MYO1E: variants seen among roughly 807,000 people sequenced by gnomAD.
MYO1E encodes the protein unconventional myosin-Ie.
In MYO1E, 68 loss-of-function variants were observed where a neutral mutation model predicts 151.1. That is an observed-to-expected ratio of 0.45 (90% CI 0.37 to 0.55). The LOEUF (loss-of-function observed/expected upper bound fraction) is 0.55. Among genes scored for constraint, MYO1E ranks in the 20% least tolerant of loss-of-function variants. The pLI, the probability that MYO1E is intolerant of heterozygous loss-of-function variation, is 0.00. For synonymous variants in MYO1E, 601 were observed against 501.7 expected (o/e 1.20, Z -2.64); for missense variants, 1,363 against 1,389.3 (o/e 0.98, Z 0.30).
At chr15:59,356,997 C>T (rs1014620044) in intron 1 of MYO1E, among the ~76,000 whole-genome samples, 2 of 152,060 alleles carry the variant, frequency 1.3e-5, no homozygotes, top group Non-Finnish European at 2.9e-5. Flanking sequence ...CCTCCACCTC[C>T]CGGGTTCAAG....
intron 6 of MYO1E, among the ~76,000 whole-genome samples, chr15:59,227,848 T>A (rs1172791029): frequency 6.6e-6 from 1 of 152,180 alleles, no homozygotes; most frequent in Non-Finnish European, 1.5e-5. Context: ...TCCTTGCTCA[T>A]TTTCCCCCAG....
intron 1 of MYO1E, among the ~76,000 whole-genome samples, chr15:59,289,225 A>G (rs1268383058): frequency 1.3e-5 from 2 of 152,170 alleles, no homozygotes; most frequent in Non-Finnish European, 2.9e-5. Context: ...ATCTGTACCA[A>G]AAGTTTTTTG....
chr15:59,176,083 G>A (rs1401367540), intron 19 of MYO1E, among the ~76,000 whole-genome samples: 1 of 152,184 alleles, frequency 6.6e-6, no homozygotes, highest in Non-Finnish European at 1.5e-5. Context: ...TTCCGAGGCA[G>A]AGTCTTGCTC....
intron 6 of MYO1E, among the ~76,000 whole-genome samples, chr15:59,230,260 G>A (rs1385121157): frequency 3.4e-5 from 5 of 148,802 alleles, no homozygotes; most frequent in Non-Finnish European, 7.5e-5. Context: ...GTGTGCAGGT[G>A]AATGTGTGTC....
intron 14 of MYO1E, chr15:59,206,993 G>A (rs2140337262): frequency 1.2e-6 from 2 of 1,614,010 alleles, no homozygotes; most frequent in South Asian, 1.1e-5. Flanking sequence ...AGCTCGGTGG[G>A]AGCGAATTTC....
rs997602127 is a variant in MYO1E, at chr15:59,233,948, A to G, written c.421-2157T>C. ...TAATTATATAATAAAATCTTTTTTT[A>G]CATATTGGGTTAAATAATACTGTTT... is the stretch of plus-strand genomic sequence containing the variant. On this transcript the variant is annotated intron_variant, in intron 5 of 27. Coordinates refer to ENST00000288235, the MANE Select transcript of MYO1E (RefSeq NM_004998.4). Among the ~76,000 whole-genome samples the G allele has an allele frequency of 2.0e-5, 3 of 151,578 alleles. No homozygotes were observed. The East Asian group carries it at 5.8e-4, about 29-fold the overall frequency.
intron 18 of MYO1E, among the ~76,000 whole-genome samples, chr15:59,179,055 C>T (rs2079642769): frequency 6.6e-6 from 1 of 152,184 alleles, no homozygotes. Context: ...TCTCCAGCCT[C>T]GCCTCTTCAT....
At chr15:59,272,887 C>T (rs976418054) in intron 1 of MYO1E, among the ~76,000 whole-genome samples, 2 of 152,216 alleles carry the variant, frequency 1.3e-5, no homozygotes, top group Non-Finnish European at 2.9e-5. Context: ...GACATAGAAA[C>T]TTTCTAGTCT....
intron 10 of MYO1E, among the ~76,000 whole-genome samples, chr15:59,216,666 G>GTGTGTGTGTGTGTGTGTGTGTGTATA (rs777094542): frequency 3.2e-5 from 1 of 30,886 alleles, no homozygotes; most frequent in African/African-American, 1.1e-4. Flanking sequence ...GTGTGTATGT[G>GTGTGTGTGTGTGTGTGTGTGTGTATA]TATATATATA....
chr15:59,215,804 T>C (rs986574650), intron 10 of MYO1E, among the ~76,000 whole-genome samples: 3 of 151,932 alleles, frequency 2.0e-5, no homozygotes, highest in Admixed American at 1.3e-4. Flanking sequence ...GGTAGAAAGG[T>C]AGGTAGGAAG....
intron 4 of MYO1E, among the ~76,000 whole-genome samples, chr15:59,241,721 T>A (rs1222259448): frequency 5.3e-5 from 8 of 151,144 alleles, no homozygotes; most frequent in Non-Finnish European, 1.2e-4. Context: ...AATAGATAAA[T>A]AAATAAAAAT....
intron 1 of MYO1E, among the ~76,000 whole-genome samples, chr15:59,315,147 C>T (rs1162783139): frequency 6.6e-6 from 1 of 152,154 alleles, no homozygotes; most frequent in Non-Finnish European, 1.5e-5. Flanking sequence ...TTGAAGCTAT[C>T]TGGCTTCTCC....
chr15:59,242,682 TG>T (rs2080107197), intron 4 of MYO1E, among the ~76,000 whole-genome samples: 1 of 152,178 alleles, frequency 6.6e-6, no homozygotes, highest in Admixed American at 6.5e-5. Context: ...TGGAGAAGGA[TG>T]TTGTCATGAT....
chr15:59,329,956 G>A (rs1343529320), intron 1 of MYO1E, among the ~76,000 whole-genome samples: 5 of 152,162 alleles, frequency 3.3e-5, no homozygotes, highest in Non-Finnish European at 7.4e-5. Flanking sequence ...ACTTTAAGAA[G>A]CAAACTGCAA....
In MYO1E at chr15:59,133,037, C is replaced by T. The variant is rs1461743772; in HGVS notation, c.*4343G>A. 6.6e-6 allele frequency: 1 copy of T among 152,228 alleles called. No homozygotes were observed. The allele number at this position is 152,228 out of a possible 1,614,324, so 9.4% of individuals were successfully genotyped here. A position where few individuals can be genotyped will look rare whatever the true frequency, so the allele number is the denominator to read the frequency against. ...GATATTGGAAGTTGAAAGGCTGACACAGTAGACCATCACATTACTAAATAT... is the reference window on the plus strand; with the variant it reads ...GATATTGGAAGTTGAAAGGCTGACATAGTAGACCATCACATTACTAAATAT... On this transcript the variant is annotated 3_prime_UTR_variant, in exon 28 of 28. Coordinates refer to ENST00000288235, the MANE Select transcript of MYO1E (RefSeq NM_004998.4).
chr15:59,331,269 C>T (rs2080696432), intron 1 of MYO1E, among the ~76,000 whole-genome samples: 1 of 152,186 alleles, frequency 6.6e-6, no homozygotes. Flanking sequence ...AGCAGCCTTG[C>T]TCAGTCCACA....
chr15:59,229,732 T>C (rs1390380162), intron 6 of MYO1E, among the ~76,000 whole-genome samples: 1 of 152,228 alleles, frequency 6.6e-6, no homozygotes, highest in Non-Finnish European at 1.5e-5. Flanking sequence ...TGCTTCATAA[T>C]ACCTGTGCAT....
intron 1 of MYO1E, among the ~76,000 whole-genome samples, chr15:59,319,450 T>G (rs779371171): frequency 1.1e-4 from 16 of 151,626 alleles, no homozygotes; most frequent in Non-Finnish European, 1.9e-4. Context: ...TCTAGTAAGT[T>G]TAGCTGCTCA....
At chr15:59,239,110 G>A (rs1213742835) in intron 4 of MYO1E, among the ~76,000 whole-genome samples, 4 of 151,410 alleles carry the variant, frequency 2.6e-5, no homozygotes, top group Non-Finnish European at 5.9e-5. Context: ...GGAGGCTGAG[G>A]CAGGAGAATC....
Sources: gnomAD v4.1 joint callset for allele counts (sites outside exome capture counted in the v4.1 genomes callset) on GRCh38, gnomAD v4.1.1 for gene constraint, MANE v1.5 for transcripts, NCBI Gene and HGNC (gene_info 2026-07-23, HGNC 2026-07-21) for gene names.